SLC30A9: variants seen among roughly 807,000 people sequenced by gnomAD.
The protein encoded by SLC30A9 is proton-coupled zinc antiporter SLC30A9, mitochondrial.
A neutral mutation model predicts 87.5 loss-of-function variants in SLC30A9; 58 were observed. The ratio of observed to expected loss-of-function variants is 0.66; its 90% CI spans 0.54 to 0.82. The LOEUF (loss-of-function observed/expected upper bound fraction) is 0.82. Ranked by LOEUF, SLC30A9 falls within the 40% of genes least tolerant of loss-of-function variation. The pLI is 0.00. For synonymous variants in SLC30A9, 234 were observed against 233.0 expected, an observed-to-expected ratio of 1.00 and a Z score of -0.04; for missense variants, 557 against 679.1, an observed-to-expected ratio of 0.82 and a Z score of 2.00.
intron 15 of SLC30A9, among the ~76,000 whole-genome samples, chr4:42,075,043 A>T (rs1577723208): frequency 7.8e-5 from 1 of 12,750 alleles, no homozygotes; most frequent in Non-Finnish European, 1.8e-4. Context: ...ATATATATAT[A>T]TATATATATA....
intron 17 of SLC30A9, among the ~76,000 whole-genome samples, chr4:42,083,573 G>T (rs1037990277): frequency 2.6e-5 from 4 of 151,924 alleles, no homozygotes; most frequent in African/African-American, 7.2e-5. Context: ...CTGAAAACTT[G>T]ATTTTAAAAA....
At chr4:42,037,344 A>G (rs1429559881) in intron 7 of SLC30A9, among the ~76,000 whole-genome samples, 2 of 143,682 alleles carry the variant, frequency 1.4e-5, no homozygotes, top group African/African-American at 2.5e-5. Flanking sequence ...AATGAGATAT[A>G]TGAAATCACA....
intron 1 of SLC30A9, among the ~76,000 whole-genome samples, chr4:41,995,642 G>A (rs762994101): frequency 1.5e-4 from 23 of 152,320 alleles, no homozygotes; most frequent in Non-Finnish European, 2.6e-4. Flanking sequence ...AGCAAGCCAC[G>A]TGAAGGTCTG....
intron 17 of SLC30A9, among the ~76,000 whole-genome samples, chr4:42,079,144 C>G (rs1718665951): frequency 6.6e-6 from 1 of 151,892 alleles, no homozygotes. Context: ...TCTTAAGACG[C>G]TTTCATTCTT....
intron 6 of SLC30A9, among the ~76,000 whole-genome samples, chr4:42,033,060 A>C (rs375073642): frequency 2.0e-4 from 30 of 152,226 alleles, no homozygotes; most frequent in East Asian, 7.7e-4. Context: ...AGAGATGTAT[A>C]GTTCAATTTC....
chr4:42,018,325 C>CT (rs1360376126), intron 3 of SLC30A9, 155 bp downstream of exon 3: 5 of 845,290 alleles, frequency 5.9e-6, no homozygotes, highest in Non-Finnish European at 9.1e-6. Flanking sequence ...GATTTATTCT[C>CT]TTACATATAA....
intron 2 of SLC30A9, among the ~76,000 whole-genome samples, chr4:42,009,850 A>G (rs192440300): frequency 6.4e-4 from 97 of 152,348 alleles, no homozygotes; most frequent in African/African-American, 2.1e-3. Context: ...AGTAGATATC[A>G]GTTGTTTGGA....
Position 42,088,008 on chromosome 4 carries a change from T to G in SLC30A9, c.*1882T>G, listed in dbSNP as rs1433643447. Reference sequence around the variant, plus strand: ...AAATGGTAATTTTTTTTTTTTAGGATTCCCTAATAAAAAAAAAAAAAATTC... The same window carrying G: ...AAATGGTAATTTTTTTTTTTTAGGAGTCCCTAATAAAAAAAAAAAAAATTC... On this transcript the variant is annotated 3_prime_UTR_variant, in exon 18 of 18. Transcript: ENST00000264451. The G allele has an allele frequency of 2.9e-4, 44 of 151,332 alleles. No individual in the cohort carries two copies. The highest frequency in any genetic ancestry group is 9.7e-4 in the African/African-American group (40 of 41,204). 9.4% of individuals were successfully genotyped at this position (151,332 alleles called of 1,614,324 possible). A position where few individuals can be genotyped will look rare whatever the true frequency, so the allele number is the denominator to read the frequency against.
chr4:42,026,357 A>G (rs985482206), intron 6 of SLC30A9, among the ~76,000 whole-genome samples: 2 of 152,188 alleles, frequency 1.3e-5, no homozygotes, highest in Admixed American at 6.5e-5. Flanking sequence ...CAGTGCAGTT[A>G]TATAGTTCTT....
chr4:42,075,746 G>A lies in SLC30A9; in HGVS notation c.1508G>A (p.Arg503Lys). Residue 503 changes from arginine to lysine, a missense_variant, in exon 16 of 18, where the codon AGA becomes AAA. Around this residue, in one of 2 missense-constraint regions of SLC30A9, gnomAD observed 90 missense variants for 149.4 expected, o/e 0.60. Transcript: ENST00000264451. The stretch of plus-strand genomic sequence containing the variant: ...GATTTTGATGGGCGAGTTGTTACAA[G>A]ATCATATTTGGAAAAACAAGATTTT... ...EVDFDGRVVT[R>K]SYLEKQDFDQ... 1.6e-5 allele frequency: 25 copies of A among 1,612,096 alleles called. No individual in the cohort carries two copies. The highest frequency in any genetic ancestry group is 2.1e-5 in the Non-Finnish European group (25 of 1,178,404).
chr4:42,021,917 ATTTTT>A (rs1180421350), intron 4 of SLC30A9, among the ~76,000 whole-genome samples: 2 of 39,940 alleles, frequency 5.0e-5, no homozygotes, highest in African/African-American at 1.3e-4. Flanking sequence ...CGCCTGGCTA[ATTTTT>A]TTTTTTTTTT....
chr4:42,026,879 A>C (rs1454421817), intron 6 of SLC30A9, among the ~76,000 whole-genome samples: 1 of 152,172 alleles, frequency 6.6e-6, no homozygotes, highest in African/African-American at 2.4e-5. Context: ...TTGGCATTCT[A>C]CATCAGGGTC....
At chr4:42,017,079 G>A (rs769214018) in intron 2 of SLC30A9, among the ~76,000 whole-genome samples, 5 of 152,074 alleles carry the variant, frequency 3.3e-5, no homozygotes, top group Admixed American at 6.5e-5. Context: ...CATTTTCATT[G>A]TTCCATACCC....
At chr4:42,001,552 T>A (rs1714984132) in intron 1 of SLC30A9, 64 bp from the exon 2 acceptor site, 1 of 1,033,316 alleles carries the variant, frequency 9.7e-7, no homozygotes, top group African/African-American at 1.6e-5. Flanking sequence ...AGAGGGTGGC[T>A]TGGCAATTAA....
chr4:42,019,338 T>C (rs1300484279), intron 3 of SLC30A9, among the ~76,000 whole-genome samples: 1 of 152,196 alleles, frequency 6.6e-6, no homozygotes, highest in Non-Finnish European at 1.5e-5. Flanking sequence ...TTATAATGAT[T>C]TATTAACATA....
chr4:42,048,178 TAAC>T (rs1378909513), intron 8 of SLC30A9, among the ~76,000 whole-genome samples: 1 of 152,220 alleles, frequency 6.6e-6, no homozygotes, highest in African/African-American at 2.4e-5. Flanking sequence ...TATACCTATG[TAAC>T]AAACCTGCAC....
chr4:42,019,251 C>T (rs1181861886), intron 3 of SLC30A9, among the ~76,000 whole-genome samples: 26 of 152,148 alleles, frequency 1.7e-4, no homozygotes. Flanking sequence ...CGAAATAGAA[C>T]ACATAAGTTT....
At chr4:42,020,539 C>T (rs761546795) in intron 4 of SLC30A9, 24 bp downstream of exon 4, 51 of 1,244,608 alleles carry the variant, frequency 4.1e-5, no homozygotes, top group Middle Eastern at 4.8e-4. Context: ...AAAATGTAGC[C>T]GTGTGTCATA....
At position 42,087,034 on chromosome 4, in the gene SLC30A9, G is replaced by A. The variant is rs1282120362; in HGVS notation, c.*908G>A. 1 of 152,110 alleles carries A rather than the reference G, an allele frequency of 6.6e-6. No homozygotes were observed. Among genetic ancestry groups the A allele is most frequent in the East Asian group, 1.9e-4 (1 of 5,198 alleles). 9.4% of individuals were successfully genotyped at this position (152,110 alleles called of 1,614,324 possible). A position where few individuals can be genotyped will look rare whatever the true frequency, so the allele number is the denominator to read the frequency against. On this transcript the variant is annotated 3_prime_UTR_variant, in exon 18 of 18. Coordinates refer to ENST00000264451, the MANE Select transcript of SLC30A9 (RefSeq NM_006345.4). ...GCATTTGACTTTTATTTAAAAGGCGGCACTACTTATGTAAATCTGAGCTGT... is the reference window on the plus strand; with the variant it reads ...GCATTTGACTTTTATTTAAAAGGCGACACTACTTATGTAAATCTGAGCTGT...
Sources: allele counts gnomAD v4.1 joint callset (sites outside exome capture counted in the v4.1 genomes callset), GRCh38; gene constraint gnomAD v4.1.1; regional missense constraint gnomAD v4.1.1; transcripts MANE v1.5; gene names NCBI Gene and HGNC (gene_info 2026-07-23, HGNC 2026-07-21).